Variants in DCLK2 observed in about 807,000 individuals in gnomAD.
DCLK2 encodes serine/threonine-protein kinase DCLK2.
In DCLK2, 31 loss-of-function variants were observed where a neutral mutation model predicts 78.4. The observed-to-expected ratio is 0.40, with a 90% confidence interval of 0.30 to 0.53. The LOEUF (loss-of-function observed/expected upper bound fraction) is 0.53, where lower values mean the gene tolerates loss of function less well. Among genes scored for constraint, DCLK2 ranks in the 20% least tolerant of loss-of-function variants. The pLI is 0.61. For synonymous variants in DCLK2, 407 were observed against 374.9 expected, an observed-to-expected ratio of 1.09 and a Z score of -0.99; for missense variants, 872 against 973.7, an observed-to-expected ratio of 0.90 and a Z score of 1.39.
At chr4:150,137,930 A>G (rs749556494) in intron 2 of DCLK2, among the ~76,000 whole-genome samples, 27 of 152,328 alleles carry the variant, frequency 1.8e-4, no homozygotes, top group Non-Finnish European at 3.4e-4. Flanking sequence ...TTCAGCTACC[A>G]TCTAGTCAGA....
At chr4:150,082,204 G>A (rs1238643401) in intron 1 of DCLK2, among the ~76,000 whole-genome samples, 1 of 152,100 alleles carries the variant, frequency 6.6e-6, no homozygotes, top group Non-Finnish European at 1.5e-5. Context: ...AAAATTGACT[G>A]CTTTATTTCG....
intron 2 of DCLK2, among the ~76,000 whole-genome samples, chr4:150,120,527 T>G (rs758433205): frequency 6.6e-6 from 1 of 152,208 alleles, no homozygotes; most frequent in African/African-American, 2.4e-5. Context: ...AAAAATTGCT[T>G]GTTGGAGAAA....
In DCLK2 at chr4:150,198,013, C is replaced by G. The variant is rs147825260; in HGVS notation, c.871C>G (p.Leu291Val). ...TTGTTCTTTTCTAGAATGTCGTGTCCTGAAGTCATCTTATTCTCGATCCTC... is the reference window on the plus strand; with the variant it reads ...TTGTTCTTTTCTAGAATGTCGTGTCGTGAAGTCATCTTATTCTCGATCCTC... Reference protein sequence around the residue: ...FVLDHSECRVLKSSYSRSSAV... With the variant: ...FVLDHSECRVVKSSYSRSSAV... Residue 291 changes from leucine (L) to valine (V), a missense_variant, in exon 4 of 16, where the codon CTG (leucine) becomes GTG (valine). By Grantham distance (32) the Leu-to-Val change is conservative. This residue lies in a region of DCLK2 where 567 missense variants were observed against 593.4 expected (regional missense o/e 0.96). Transcript: ENST00000296550. The G allele has an allele frequency of 6.2e-7, 1 of 1,612,864 alleles. No individual in the cohort carries two copies. Among genetic ancestry groups the G allele is most frequent in the Non-Finnish European group, 8.5e-7 (1 of 1,179,662 alleles).
In DCLK2 at chr4:150,078,508, G is replaced by C. The variant is rs1204921890; in HGVS notation, c.-520G>C. 1 of 151,038 alleles carries C rather than the reference G, an allele frequency of 6.6e-6. No homozygotes were observed. The highest frequency in any genetic ancestry group is 6.6e-5 in the Admixed American group (1 of 15,114). 9.4% of individuals were successfully genotyped at this position (151,038 alleles called of 1,614,324 possible). On this transcript the variant is annotated 5_prime_UTR_variant, in exon 1 of 16. Coordinates refer to ENST00000296550, the MANE Select transcript of DCLK2 (RefSeq NM_001040260.4). The stretch of plus-strand genomic sequence containing the variant: ...CGGCGGGCGGGATCCGGGCGCGGCC[G>C]AGGCGGCGGCGCTGCACCCCGGGCC...
At chr4:150,244,020 CA>C (rs1743118499) in intron 12 of DCLK2, among the ~76,000 whole-genome samples, 1 of 151,932 alleles carries the variant, frequency 6.6e-6, no homozygotes, top group African/African-American at 2.4e-5. Context: ...CTGCAGTCTC[CA>C]ACTCCTGGCT....
chr4:150,109,348 T>TTC (rs1560779159), intron 2 of DCLK2, among the ~76,000 whole-genome samples: 1 of 151,966 alleles, frequency 6.6e-6, no homozygotes, highest in African/African-American at 2.4e-5. Flanking sequence ...TTTTTTTTTT[T>TTC]TCTCTGAGAC....
intron 5 of DCLK2, among the ~76,000 whole-genome samples, chr4:150,205,386 G>A (rs1026574231): frequency 6.6e-6 from 1 of 152,230 alleles, no homozygotes; most frequent in African/African-American, 2.4e-5. Flanking sequence ...AAAGGACAGA[G>A]CATCTGTTTT....
chr4:150,249,324 C>T (rs532879914), intron 14 of DCLK2, among the ~76,000 whole-genome samples: 10 of 152,194 alleles, frequency 6.6e-5, no homozygotes, highest in African/African-American at 2.2e-4. Context: ...GTGCCCTCTC[C>T]TGGGCCTACT....
At chr4:150,235,254 CA>C (rs1487707543) in intron 10 of DCLK2, among the ~76,000 whole-genome samples, 3 of 152,226 alleles carry the variant, frequency 2.0e-5, no homozygotes, top group Non-Finnish European at 4.4e-5. Flanking sequence ...TTCTCTTTTC[CA>C]CTCAGAGTTT....
intron 12 of DCLK2, among the ~76,000 whole-genome samples, chr4:150,242,019 T>G (rs113845287): frequency 1.5e-4 from 23 of 152,250 alleles, no homozygotes; most frequent in Admixed American, 6.5e-5. Context: ...AAAATGGTTT[T>G]ATCTTCTTTT....
intron 5 of DCLK2, among the ~76,000 whole-genome samples, chr4:150,208,754 C>T (rs1196519595): frequency 2.6e-5 from 4 of 152,092 alleles, no homozygotes. Flanking sequence ...AATGGGAGCT[C>T]CTTGAAAGTG....
chr4:150,175,089 TATA>T (rs1736918433), intron 2 of DCLK2, among the ~76,000 whole-genome samples: 11 of 76,686 alleles, frequency 1.4e-4, no homozygotes, highest in Admixed American at 4.4e-4. Context: ...TATTTATATA[TATA>T]TTTATATATA....
At chr4:150,252,462 T>C (rs1315279422) in intron 15 of DCLK2, among the ~76,000 whole-genome samples, 4 of 152,206 alleles carry the variant, frequency 2.6e-5, no homozygotes, top group South Asian at 2.1e-4. Context: ...CTGGGGTCAC[T>C]TTTTGACTCA....
chr4:150,154,518 T>C (rs1380835975), intron 2 of DCLK2, among the ~76,000 whole-genome samples: 1 of 152,212 alleles, frequency 6.6e-6, no homozygotes, highest in Non-Finnish European at 1.5e-5. Context: ...GATTTAAATT[T>C]TTAGATCCAG....
In DCLK2 at chr4:150,249,767, A is replaced by T. The variant is rs931458937; in HGVS notation, c.2073+83A>T. 5.2e-6 allele frequency: 6 copies of T among 1,145,934 alleles called. No individual in the cohort carries two copies. The African/African-American group carries it at 9.1e-5, about 17-fold the overall frequency. The allele number at this position is 1,145,934 out of a possible 1,614,324, so 71.0% of individuals were successfully genotyped here. ...TTAGGTAGCCGGGAGCTGCCCTCAC[A>T]TGGAAGTTGGTGCCTTCCGTAGTCC... On this transcript the variant is annotated intron_variant, in intron 15 of 15. Coordinates refer to ENST00000296550, the MANE Select transcript of DCLK2 (RefSeq NM_001040260.4).
chr4:150,143,347 A>G (rs1005912911), intron 2 of DCLK2, among the ~76,000 whole-genome samples: 9 of 152,170 alleles, frequency 5.9e-5, no homozygotes, highest in Non-Finnish European at 8.8e-5. Context: ...GTGCTTCAAT[A>G]AACATCTAAG....
intron 2 of DCLK2, among the ~76,000 whole-genome samples, chr4:150,142,069 T>C (rs1321338536): frequency 6.6e-6 from 1 of 152,234 alleles, no homozygotes; most frequent in Admixed American, 6.5e-5. Flanking sequence ...TCATGAAATA[T>C]CTGATTTTTT....
chr4:150,248,230 C>G (rs754793520), intron 13 of DCLK2, 75 bp from the exon 14 acceptor site: 39 of 1,362,092 alleles, frequency 2.9e-5, no homozygotes, highest in Non-Finnish European at 4.0e-5. Flanking sequence ...TTGCCACAAA[C>G]TCAGATTTCT....
intron 2 of DCLK2, among the ~76,000 whole-genome samples, chr4:150,144,348 C>T (rs867853898): frequency 4.6e-5 from 7 of 152,050 alleles, no homozygotes; most frequent in African/African-American, 1.7e-4. Context: ...TGTCCTTTTC[C>T]CATTTATTTT....
Sources: gnomAD v4.1 joint callset for allele counts (sites outside exome capture counted in the v4.1 genomes callset) on GRCh38, gnomAD v4.1.1 for gene constraint, gnomAD v4.1.1 regional missense constraint, MANE v1.5 for transcripts, NCBI Gene and HGNC (gene_info 2026-07-23, HGNC 2026-07-21) for gene names.